FHIT: variants seen among roughly 807,000 people sequenced by gnomAD.
FHIT encodes bis(5'-adenosyl)-triphosphatase.
FHIT carries 19 observed loss-of-function variants against 17.9 expected under a neutral mutation model. The observed-to-expected ratio is 1.06, with a 90% CI of 0.74 to 1.56. The LOEUF is 1.56. Ranked by LOEUF, FHIT falls within the 40% of genes most tolerant of loss-of-function variation. The pLI, the probability that FHIT is intolerant of heterozygous loss-of-function variation, is 0.00. For missense variants in FHIT, 248 were observed against 189.2 expected, an observed-to-expected ratio of 1.31 and a Z score of -1.82; for synonymous variants, 81 against 69.7, an observed-to-expected ratio of 1.16 and a Z score of -0.81.
At chr3:61,088,013 A>G (rs944101222) in intron 2 of FHIT, among the ~76,000 whole-genome samples, 1 of 152,152 alleles carries the variant, frequency 6.6e-6, no homozygotes, top group Non-Finnish European at 1.5e-5. Context: ...CTGCTATTTG[A>G]ATGACTAAAA....
chr3:60,014,403 G>C (rs1036647436), intron 5 of FHIT, among the ~76,000 whole-genome samples: 40 of 152,192 alleles, frequency 2.6e-4, no homozygotes, highest in Non-Finnish European at 1.5e-4. Flanking sequence ...AGGGACATTC[G>C]TGTACAGACA....
chr3:60,157,132 A>C (rs1576219365), intron 5 of FHIT, among the ~76,000 whole-genome samples: 1 of 152,178 alleles, frequency 6.6e-6, no homozygotes, highest in African/African-American at 2.4e-5. Context: ...TTAAGTGCAC[A>C]TGATGTAATA....
chr3:60,114,488 C>CTTTTTTTTTTTTTTTTTTTTTTTT lies in FHIT; in HGVS notation c.104-100337_104-100336insAAAAAAAAAAAAAAAAAAAAAAAA, dbSNP rs145618938. On this transcript the variant is annotated intron_variant, in intron 5 of 9. Transcript: ENST00000492590. ...TAAAATAAGGAAGAACAAGAGAAAT[C>CTTTTTTTTTTTTTTTTTTTTTTTT]CTTTTTTTTTTTTTTTTTTTTTTTT... is the stretch of plus-strand genomic sequence containing the variant. Among the ~76,000 whole-genome samples the CTTTTTTTTTTTTTTTTTTTTTTTT allele has an allele frequency of 8.4e-5, 5 of 59,486 alleles. 1 individual carries two copies. The highest frequency in any genetic ancestry group is 0.017 in the Middle Eastern group (1 of 58). 39.0% of individuals were successfully genotyped at this position (59,486 alleles called of 152,430 possible).
At chr3:60,181,642 C>G (rs1455905304) in intron 5 of FHIT, among the ~76,000 whole-genome samples, 2 of 152,178 alleles carry the variant, frequency 1.3e-5, no homozygotes, top group Non-Finnish European at 2.9e-5. Flanking sequence ...TTAATAAGCA[C>G]AAAGCCTCTT....
intron 5 of FHIT, among the ~76,000 whole-genome samples, chr3:60,484,288 T>C (rs1222468350): frequency 1.3e-5 from 2 of 152,180 alleles, no homozygotes; most frequent in Non-Finnish European, 2.9e-5. Flanking sequence ...AAACTACTAT[T>C]GACATCCCTC....
chr3:60,178,667 C>T (rs1440303441), intron 5 of FHIT, among the ~76,000 whole-genome samples: 3 of 152,132 alleles, frequency 2.0e-5, no homozygotes, highest in Admixed American at 6.5e-5. Flanking sequence ...TTAAATAATA[C>T]TAACACTTTA....
At chr3:60,565,791 G>A (rs1053158168) in intron 4 of FHIT, among the ~76,000 whole-genome samples, 3 of 151,982 alleles carry the variant, frequency 2.0e-5, no homozygotes, top group African/African-American at 7.3e-5. Flanking sequence ...GTTATTTCTT[G>A]CCTTCTGCTA....
chr3:60,361,621 G>A (rs568710528), intron 5 of FHIT, among the ~76,000 whole-genome samples: 1 of 152,128 alleles, frequency 6.6e-6, no homozygotes, highest in Non-Finnish European at 1.5e-5. Flanking sequence ...GTAGGTAAAG[G>A]GGTAGAGATT....
chr3:59,820,625 A>G lies in FHIT; in HGVS notation c.349-68304T>C, dbSNP rs1172803841. On this transcript the variant is annotated intron_variant, in intron 8 of 9. Transcript: ENST00000492590. ...TATTGTCTTTGGCTGCTTTAGTGCT[A>G]AAGTGGCAGAGCTGAGTAGTTTCAA... Among the ~76,000 whole-genome samples, 4 of 152,350 alleles carry G rather than the reference A, an allele frequency of 2.6e-5. No homozygotes were observed. The East Asian group carries it at 7.7e-4, about 29-fold the overall frequency.
At chr3:59,952,933 A>G (rs1322649466) in intron 7 of FHIT, among the ~76,000 whole-genome samples, 1 of 151,920 alleles carries the variant, frequency 6.6e-6, no homozygotes, top group East Asian at 1.9e-4. Context: ...CTTGAGTAGA[A>G]TGGTCCACAA....
intron 5 of FHIT, among the ~76,000 whole-genome samples, chr3:60,324,127 C>G (rs1158262968): frequency 6.6e-6 from 1 of 152,092 alleles, no homozygotes; most frequent in African/African-American, 2.4e-5. Flanking sequence ...CAAGTAAACT[C>G]AGTACTTAGA....
At chr3:60,694,821 A>G (rs1252175007) in intron 4 of FHIT, among the ~76,000 whole-genome samples, 1 of 152,078 alleles carries the variant, frequency 6.6e-6, no homozygotes, top group Non-Finnish European at 1.5e-5. Flanking sequence ...AGGACAAAAA[A>G]CCAAACACCA....
chr3:60,512,532 G>A (rs1187473132), intron 5 of FHIT, among the ~76,000 whole-genome samples: 1 of 152,096 alleles, frequency 6.6e-6, no homozygotes, highest in Non-Finnish European at 1.5e-5. Flanking sequence ...TCAGATGAAT[G>A]GTGAACTGCA....
chr3:60,076,048 G>A (rs1702992340), intron 5 of FHIT, among the ~76,000 whole-genome samples: 1 of 152,018 alleles, frequency 6.6e-6, no homozygotes, highest in Non-Finnish European at 1.5e-5. Flanking sequence ...AAGTATGATA[G>A]TCATTTTGCC....
At chr3:61,187,108 G>C (rs1045881244) in intron 2 of FHIT, among the ~76,000 whole-genome samples, 2 of 152,168 alleles carry the variant, frequency 1.3e-5, no homozygotes, top group Non-Finnish European at 2.9e-5. Context: ...AAGATCAATA[G>C]TATTGAATGC....
chr3:60,152,382 G>A (rs1424467826), intron 5 of FHIT, among the ~76,000 whole-genome samples: 2 of 152,178 alleles, frequency 1.3e-5, no homozygotes, highest in Non-Finnish European at 2.9e-5. Context: ...TATTACTAAT[G>A]TGATGCACTA....
intron 5 of FHIT, among the ~76,000 whole-genome samples, chr3:60,191,602 A>AT (rs903689513): frequency 3.9e-5 from 6 of 152,110 alleles, no homozygotes; most frequent in Admixed American, 2.6e-4. Context: ...GAAAAGTAGT[A>AT]TTTTTTTATA....
intron 7 of FHIT, among the ~76,000 whole-genome samples, chr3:59,989,402 T>G (rs530374024): frequency 6.6e-6 from 1 of 152,148 alleles, no homozygotes; most frequent in African/African-American, 2.4e-5. Flanking sequence ...CAGCTTTAGT[T>G]CTACTTAAAG....
At chr3:60,769,399 C>T (rs1553722429) in intron 4 of FHIT, among the ~76,000 whole-genome samples, 1 of 152,184 alleles carries the variant, frequency 6.6e-6, no homozygotes, top group South Asian at 2.1e-4. Context: ...TTTTGCTTTC[C>T]TTACCAGGAA....
Sources: allele counts gnomAD v4.1 joint callset (sites outside exome capture counted in the v4.1 genomes callset), GRCh38; gene constraint gnomAD v4.1.1; transcripts MANE v1.5; gene names NCBI Gene and HGNC (gene_info 2026-07-23, HGNC 2026-07-21).